The following STK10 variants were observed in gnomAD, a reference collection of about 807,000 sequenced individuals.
The protein encoded by STK10 is serine/threonine-protein kinase 10.
A neutral mutation model predicts 113.8 loss-of-function variants in STK10; 78 were observed. The ratio of observed to expected loss-of-function variants is 0.69; its 90% CI spans 0.57 to 0.83. The LOEUF (loss-of-function observed/expected upper bound fraction) is 0.83. STK10 is among the 40% of genes least tolerant of loss of function. STK10 has a pLI of 0.00. For missense variants in STK10, 1,109 were observed against 1,280.1 expected (o/e 0.87, Z 2.04); for synonymous variants, 465 against 494.7 (o/e 0.94, Z 0.80).
At chr5:172,114,569 G>A (rs1438343121) in intron 4 of STK10, 2 of 129,978 alleles carry the variant, frequency 1.5e-5, no homozygotes. Flanking sequence ...TGCAAGCTCC[G>A]CCTCCCGGGT....
At position 172,074,311 on chromosome 5, in the gene STK10, G is replaced by A. The variant is rs570003234; in HGVS notation, c.1989+8015C>T. 6.6e-5 allele frequency among the ~76,000 whole-genome samples: 10 copies of A among 152,272 alleles called. No homozygotes were observed. The South Asian group carries it at 1.0e-3, about 16-fold the overall frequency. On this transcript the variant is annotated intron_variant, in intron 12 of 18. Coordinates refer to ENST00000176763, the MANE Select transcript of STK10 (RefSeq NM_005990.4). ...TCACGGCTTTTATAAAGCTACAATC[G>A]TCAAGACACTGTAGTATTGGTGAAG...
intron 18 of STK10, 63 bp from the exon 19 acceptor site, chr5:172,045,085 C>T: frequency 6.3e-7 from 1 of 1,591,834 alleles, no homozygotes; most frequent in Non-Finnish European, 8.6e-7. Context: ...GGGTCTCCCA[C>T]TCACAGGACC....
chr5:172,090,705 G>C (rs1461574124), intron 9 of STK10, among the ~76,000 whole-genome samples: 3 of 151,962 alleles, frequency 2.0e-5, no homozygotes, highest in Admixed American at 6.6e-5. Context: ...GGGAGGCCGA[G>C]GCAGGCGGAT....
intron 7 of STK10, among the ~76,000 whole-genome samples, chr5:172,101,520 C>T (rs556290025): frequency 1.5e-3 from 226 of 151,532 alleles, no homozygotes; most frequent in Non-Finnish European, 2.4e-3. Flanking sequence ...TTGCTGAGGG[C>T]TCTCTATATA....
At chr5:172,106,401 C>CAGAAAAAAAAAAAA (rs1475870342) in intron 6 of STK10, among the ~76,000 whole-genome samples, 10 of 53,442 alleles carry the variant, frequency 1.9e-4, no homozygotes, top group African/African-American at 4.9e-4. Context: ...GACCCTATCT[C>CAGAAAAAAAAAAAA]AAAAAAAAAA....
intron 18 of STK10, among the ~76,000 whole-genome samples, chr5:172,051,236 A>G (rs1460846438): frequency 1.3e-5 from 2 of 152,176 alleles, no homozygotes; most frequent in African/African-American, 4.8e-5. Flanking sequence ...ATTATACAAT[A>G]TTTAAAAAAA....
chr5:172,090,141 A>G (rs1386214694), intron 10 of STK10, 91 bp downstream of exon 10: 1 of 1,539,146 alleles, frequency 6.5e-7, no homozygotes, highest in Non-Finnish European at 8.8e-7. Flanking sequence ...CATGCTGTAG[A>G]CAGACAGCCC....
At chr5:172,155,932 G>T (rs1487373438) in intron 2 of STK10, among the ~76,000 whole-genome samples, 2 of 151,892 alleles carry the variant, frequency 1.3e-5, no homozygotes, top group Non-Finnish European at 2.9e-5. Context: ...GAGGCGGAGG[G>T]TGTAGTGAGC....
At chr5:172,173,943 A>G (rs1230648128) in intron 1 of STK10, among the ~76,000 whole-genome samples, 1 of 152,204 alleles carries the variant, frequency 6.6e-6, no homozygotes, top group Non-Finnish European at 1.5e-5. Flanking sequence ...GATGCTGAGG[A>G]TCAGAGGGGT....
chr5:172,155,769 C>T (rs565761316), intron 2 of STK10, among the ~76,000 whole-genome samples: 4 of 151,514 alleles, frequency 2.6e-5, no homozygotes, highest in South Asian at 4.2e-4. Flanking sequence ...CCAAGGCCAG[C>T]GGATCACCTG....
chr5:172,083,539 T>G (rs764403542), intron 10 of STK10, among the ~76,000 whole-genome samples: 1 of 152,240 alleles, frequency 6.6e-6, no homozygotes, highest in African/African-American at 2.4e-5. Flanking sequence ...AATAAGCTTA[T>G]GTTTTTTGAC....
chr5:172,063,503 A>G (rs1189944046), intron 13 of STK10: 1 of 152,168 alleles, frequency 6.6e-6, no homozygotes, highest in Non-Finnish European at 1.5e-5. Flanking sequence ...TTCCCTCAGG[A>G]TTTCTAGAAG....
intron 2 of STK10, among the ~76,000 whole-genome samples, chr5:172,136,597 A>AAAATAAATAAATAAAT (rs58897747): frequency 4.6e-4 from 70 of 151,126 alleles, no homozygotes; most frequent in Non-Finnish European, 9.0e-4. Context: ...ACTCCGTCTC[A>AAAATAAATAAATAAAT]AAATAAATAA....
At chr5:172,181,629 G>A (rs1157070694) in intron 1 of STK10, among the ~76,000 whole-genome samples, 1 of 151,152 alleles carries the variant, frequency 6.6e-6, no homozygotes, top group Non-Finnish European at 1.5e-5. Context: ...GATTACAGGC[G>A]CCCACCACCA....
chr5:172,091,074 A>G (rs994490668), intron 9 of STK10, among the ~76,000 whole-genome samples: 4 of 151,798 alleles, frequency 2.6e-5, no homozygotes, highest in Admixed American at 2.6e-4. Context: ...GGATAGTCAC[A>G]CTACTTGCCT....
intron 2 of STK10, among the ~76,000 whole-genome samples, chr5:172,135,401 A>G (rs919819196): frequency 1.3e-5 from 2 of 152,136 alleles, no homozygotes; most frequent in African/African-American, 4.8e-5. Flanking sequence ...AGTCCCAGTT[A>G]CTTAGGAGGC....
chr5:172,077,945 G>A (rs1181989392), intron 12 of STK10, among the ~76,000 whole-genome samples: 1 of 152,080 alleles, frequency 6.6e-6, no homozygotes, highest in Non-Finnish European at 1.5e-5. Flanking sequence ...TGCAGCACTG[G>A]AATGGCTGAT....
At chr5:172,107,124 A>AG (rs1769132752) in intron 5 of STK10, 2 of 291,488 alleles carry the variant, frequency 6.9e-6, no homozygotes, top group African/African-American at 2.2e-5. Flanking sequence ...GCAAAAAAAA[A>AG]GGGGCGTGGA....
At chr5:172,153,696 C>T (rs1770292488) in intron 2 of STK10, among the ~76,000 whole-genome samples, 2 of 152,226 alleles carry the variant, frequency 1.3e-5, no homozygotes, top group African/African-American at 4.8e-5. Flanking sequence ...GCTCCTAAAG[C>T]CACAGGGGCC....
Sources: allele counts gnomAD v4.1 joint callset (sites outside exome capture counted in the v4.1 genomes callset), GRCh38; gene constraint gnomAD v4.1.1; transcripts MANE v1.5; gene names NCBI Gene and HGNC (gene_info 2026-07-23, HGNC 2026-07-21).